PDE4B: variants seen among roughly 807,000 people sequenced by gnomAD.
PDE4B encodes the protein phosphodiesterase 4B.
A neutral mutation model predicts 82.2 loss-of-function variants in PDE4B; 20 were observed. The ratio of observed to expected loss-of-function variants is 0.24; its 90% CI spans 0.17 to 0.35. PDE4B has a LOEUF of 0.35. PDE4B is among the 10% of genes least tolerant of loss of function. PDE4B has a pLI of 1.00. For missense variants in PDE4B, 655 were observed against 907.2 expected (o/e 0.72, Z 3.57); for synonymous variants, 320 against 318.9 (o/e 1.00, Z -0.04).
At chr1:66,018,207 GGAGGTC>G (rs1452441184) in intron 3 of PDE4B, among the ~76,000 whole-genome samples, 15 of 152,196 alleles carry the variant, frequency 9.9e-5, no homozygotes, top group African/African-American at 3.6e-4. Context: ...CACGAGGTCA[GGAGGTC>G]GAGACCATCT....
intron 1 of PDE4B, among the ~76,000 whole-genome samples, chr1:65,799,564 G>T (rs1052023148): frequency 6.6e-6 from 1 of 152,120 alleles, no homozygotes; most frequent in Non-Finnish European, 1.5e-5. Context: ...AAGACCTCCA[G>T]ATACTGTTTT....
chr1:65,799,862 A>G (rs1205394703), intron 1 of PDE4B, among the ~76,000 whole-genome samples: 1 of 152,194 alleles, frequency 6.6e-6, no homozygotes, highest in African/African-American at 2.4e-5. Context: ...TAACACACAC[A>G]CATACACTTA....
At chr1:66,109,038 G>C (rs1426374160) in intron 3 of PDE4B, among the ~76,000 whole-genome samples, 1 of 152,044 alleles carries the variant, frequency 6.6e-6, no homozygotes, top group South Asian at 2.1e-4. Flanking sequence ...GAGAGATAAA[G>C]TCTGCATTAA....
intron 1 of PDE4B, among the ~76,000 whole-genome samples, chr1:65,835,087 T>A (rs987207031): frequency 1.3e-5 from 2 of 152,164 alleles, no homozygotes; most frequent in African/African-American, 4.8e-5. Context: ...AGTGAATAAA[T>A]TAATAATCAA....
intron 3 of PDE4B, among the ~76,000 whole-genome samples, chr1:66,181,790 TAG>T (rs1249340711): frequency 6.6e-6 from 1 of 152,134 alleles, no homozygotes; most frequent in African/African-American, 2.4e-5. Context: ...TCACTCTGGT[TAG>T]AGTGTTCTAT....
intron 3 of PDE4B, among the ~76,000 whole-genome samples, chr1:66,145,171 C>T (rs540370794): frequency 7.2e-5 from 11 of 152,224 alleles, no homozygotes; most frequent in African/African-American, 2.4e-4. Context: ...TGACAGACAC[C>T]ATGGAAGGTG....
chr1:65,984,376 A>C (rs900747809), intron 3 of PDE4B, among the ~76,000 whole-genome samples: 3 of 152,206 alleles, frequency 2.0e-5, no homozygotes, highest in Non-Finnish European at 2.9e-5. Context: ...TCTGAGGGTG[A>C]CACAACTATT....
chr1:66,100,536 A>G (rs1187291550), intron 3 of PDE4B, among the ~76,000 whole-genome samples: 1 of 152,166 alleles, frequency 6.6e-6, no homozygotes, highest in Non-Finnish European at 1.5e-5. Flanking sequence ...CTCTATGATT[A>G]ATCTAATCAT....
At chr1:66,149,670 A>G (rs1420186674) in intron 3 of PDE4B, among the ~76,000 whole-genome samples, 1 of 152,152 alleles carries the variant, frequency 6.6e-6, no homozygotes, top group African/African-American at 2.4e-5. Context: ...CCTGGGCAAC[A>G]TAGTGAGACC....
intron 3 of PDE4B, among the ~76,000 whole-genome samples, chr1:66,054,302 T>C (rs1349947645): frequency 6.6e-6 from 1 of 152,190 alleles, no homozygotes; most frequent in Non-Finnish European, 1.5e-5. Context: ...CATGATTCTT[T>C]TGTAAACAGC....
chr1:66,093,332 C>T (rs1432800553), intron 3 of PDE4B, among the ~76,000 whole-genome samples: 3 of 151,932 alleles, frequency 2.0e-5, no homozygotes, highest in African/African-American at 7.3e-5. Flanking sequence ...TTCTAAAAAC[C>T]ACATGATGAG....
chr1:66,001,031 C>G (rs527596826), intron 3 of PDE4B, among the ~76,000 whole-genome samples: 119 of 152,184 alleles, frequency 7.8e-4, no homozygotes, highest in African/African-American at 2.7e-3. Context: ...TTGAAAACCA[C>G]CAGTTTAAGA....
chr1:65,829,380 T>C (rs1024606175), intron 1 of PDE4B, among the ~76,000 whole-genome samples: 2 of 152,150 alleles, frequency 1.3e-5, no homozygotes, highest in African/African-American at 2.4e-5. Flanking sequence ...AACACTCCTT[T>C]CTTATTGACA....
intron 3 of PDE4B, among the ~76,000 whole-genome samples, chr1:66,214,478 C>T (rs1650301820): frequency 6.6e-6 from 1 of 152,028 alleles, no homozygotes; most frequent in South Asian, 2.1e-4. Context: ...TGAGGGATTG[C>T]ACATATATTA....
chr1:66,060,087 A>G (rs1395001623), intron 3 of PDE4B, among the ~76,000 whole-genome samples: 3 of 152,248 alleles, frequency 2.0e-5, no homozygotes, highest in African/African-American at 7.2e-5. Flanking sequence ...ACTATAGCAT[A>G]GCATGCCCCC....
At chr1:65,835,616 G>A in intron 1 of PDE4B, among the ~76,000 whole-genome samples, 1 of 152,140 alleles carries the variant, frequency 6.6e-6, no homozygotes, top group East Asian at 1.9e-4. Flanking sequence ...TCTTAGTGAA[G>A]TCACTAGAGG....
chr1:66,089,637 A>G lies in PDE4B; in HGVS notation c.282-157823A>G, dbSNP rs148293683. Among the ~76,000 whole-genome samples the G allele has an allele frequency of 9.9e-5, 15 of 152,164 alleles. No individual in the cohort carries two copies. The East Asian group carries it at 2.9e-3, about 29-fold the overall frequency. The stretch of plus-strand genomic sequence containing the variant: ...CTATAAAAGAGTTGCTTAGCCAGTC[A>G]CCTTGCTACGACTGCATAAGATATA... On this transcript the variant is annotated intron_variant, in intron 3 of 16. Transcript: ENST00000341517.
intron 3 of PDE4B, among the ~76,000 whole-genome samples, chr1:66,226,806 G>A (rs1334332077): frequency 6.6e-6 from 1 of 152,176 alleles, no homozygotes; most frequent in Non-Finnish European, 1.5e-5. Context: ...AGTTTTTAAA[G>A]TTTACTCTGA....
intron 3 of PDE4B, among the ~76,000 whole-genome samples, chr1:65,953,538 T>A (rs1649106961): frequency 6.6e-6 from 1 of 152,032 alleles, no homozygotes; most frequent in South Asian, 2.1e-4. Flanking sequence ...TAGTGGGCAG[T>A]CTCTAGAAGC....
Sources: allele counts gnomAD v4.1 joint callset (sites outside exome capture counted in the v4.1 genomes callset), GRCh38; gene constraint gnomAD v4.1.1; transcripts MANE v1.5; gene names NCBI Gene and HGNC (gene_info 2026-07-23, HGNC 2026-07-21).